VPS13C: variants seen among roughly 807,000 people sequenced by gnomAD.
VPS13C encodes the protein intermembrane lipid transfer protein VPS13C.
In VPS13C, 358 loss-of-function variants were observed where a neutral mutation model predicts 456.8. The observed-to-expected ratio is 0.78, with a 90% CI of 0.72 to 0.86. The LOEUF is 0.86. Among genes scored for constraint, VPS13C ranks in the 40% least tolerant of loss-of-function variants. VPS13C has a pLI of 0.00. For synonymous variants in VPS13C, 1,578 were observed against 1,486.7 expected, an observed-to-expected ratio of 1.06 and a Z score of -1.41; for missense variants, 4,818 against 4,385.4, an observed-to-expected ratio of 1.10 and a Z score of -2.79.
intron 66 of VPS13C, among the ~76,000 whole-genome samples, chr15:61,900,892 G>A (rs1237128908): frequency 2.6e-5 from 4 of 151,388 alleles, no homozygotes; most frequent in Non-Finnish European, 5.9e-5. Flanking sequence ...AAACAGCATG[G>A]TACTGGTACC....
chr15:62,030,974 T>C lies in VPS13C; in HGVS notation c.385+2467A>G, dbSNP rs150322038. Among the ~76,000 whole-genome samples, 159 of 152,222 alleles carry C rather than the reference T, an allele frequency of 1.0e-3. 1 individual carries two copies. In the East Asian group the frequency reaches 0.011, roughly 11 times the overall value. ...AAAATCCAACATCTTAAGTACAGAATCTAGCATTTGCGAATCTTTTGGCCT... is the reference window on the plus strand; with the variant it reads ...AAAATCCAACATCTTAAGTACAGAACCTAGCATTTGCGAATCTTTTGGCCT... On this transcript the variant is annotated intron_variant, in intron 5 of 84. Coordinates refer to ENST00000644861, the MANE Select transcript of VPS13C (RefSeq NM_020821.3).
intron 18 of VPS13C, among the ~76,000 whole-genome samples, chr15:61,986,293 A>T (rs2046051871): frequency 6.6e-6 from 1 of 152,146 alleles, no homozygotes; most frequent in Non-Finnish European, 1.5e-5. Flanking sequence ...TAAAAGATAA[A>T]ACAGAGCATG....
Position 61,929,687 on chromosome 15 carries a change from G to T in VPS13C, c.6100C>A (p.Gln2034Lys). Residue 2034 changes from glutamine (Q) to lysine (K), a missense_variant, in exon 51 of 85, where the codon CAA (glutamine) becomes AAA (lysine). Gln to Lys is a moderately conservative substitution (Grantham distance 53, BLOSUM62 1). Transcript: ENST00000644861. ...NSSMIDISYKQDKNGSQIDAV... is the reference protein window; with the variant it reads ...NSSMIDISYKKDKNGSQIDAV... Reference sequence around the variant, plus strand: ...TCAATTTGACTTCCATTTTTGTCTTGTTTGTAACTTATATCAATCATAGAA... The same window carrying T: ...TCAATTTGACTTCCATTTTTGTCTTTTTTGTAACTTATATCAATCATAGAA... 1 of 1,613,706 alleles carries T rather than the reference G, an allele frequency of 6.2e-7. No homozygotes were observed. The highest frequency in any genetic ancestry group is 8.5e-7 in the Non-Finnish European group (1 of 1,179,868).
intron 45 of VPS13C, 100 bp downstream of exon 45, chr15:61,945,613 TCA>T: frequency 1.1e-6 from 1 of 881,684 alleles, no homozygotes; most frequent in Non-Finnish European, 1.7e-6. Context: ...CAGGTGCTCA[TCA>T]CACAGCCTTA....
At chr15:61,876,904 C>G in intron 75 of VPS13C, 69 bp downstream of exon 75, 3 of 1,187,590 alleles carry the variant, frequency 2.5e-6, no homozygotes, top group Non-Finnish European at 3.6e-6. Flanking sequence ...GCACACTATA[C>G]AGTCACATGC....
chr15:62,007,272 C>CG lies in VPS13C; in HGVS notation c.1290+35_1290+36insC, dbSNP rs2046883791. 2.2e-6 allele frequency: 3 copies of CG among 1,380,112 alleles called. No homozygotes were observed. In the South Asian group the frequency reaches 5.8e-5, roughly 27 times the overall value. The allele number at this position is 1,380,112 out of a possible 1,614,324, so 85.5% of individuals were successfully genotyped here. On this transcript the variant is annotated intron_variant, in intron 15 of 84. Coordinates refer to ENST00000644861, the MANE Select transcript of VPS13C (RefSeq NM_020821.3). ...AGAAGAATATTAAAGGATGATTAGA[C>CG]AAATAATAGCTCTCACTAATATATG... is the stretch of plus-strand genomic sequence containing the variant.
intron 45 of VPS13C, among the ~76,000 whole-genome samples, chr15:61,944,645 G>C (rs998070587): frequency 1.2e-4 from 18 of 152,076 alleles, no homozygotes; most frequent in African/African-American, 4.3e-4. Context: ...AGAGAGGGAG[G>C]AAAGGGGGAA....
At chr15:61,880,492 A>G (rs928285811) in intron 73 of VPS13C, 117 bp downstream of exon 73, 11 of 638,678 alleles carry the variant, frequency 1.7e-5, no homozygotes, top group Non-Finnish European at 2.6e-5. Flanking sequence ...CGATTAATCA[A>G]ACAAAATTCC....
rs1894651667 is a variant in VPS13C at position 61,867,142 on chromosome 15, G to A, written c.10863+1517C>T. On this transcript the variant is annotated intron_variant, in intron 81 of 84. Transcript: ENST00000644861. This position sits in a 1 kb window ranked among gnomAD's most constrained non-coding sequence, Gnocchi z 5.0. ...AAAATAAAGAAATCTATGTATTCAA[G>A]TGCCACACAGCAATTTGCCTAATTA... 2 of 983,000 alleles carry A rather than the reference G, an allele frequency of 2.0e-6. No homozygotes were observed. Among genetic ancestry groups the A allele is most frequent in the South Asian group, 9.4e-5 (2 of 21,248 alleles). 60.9% of individuals were successfully genotyped at this position (983,000 alleles called of 1,614,324 possible). A position where few individuals can be genotyped will look rare whatever the true frequency, so the allele number is the denominator to read the frequency against.
chr15:61,864,581 GA>G, intron 81 of VPS13C: 1 of 968,040 alleles, frequency 1.0e-6, no homozygotes, highest in African/African-American at 1.8e-5. Context: ...CACAAGCAGA[GA>G]AATCACATTT....
chr15:61,931,662 C>T (rs1354590195), intron 49 of VPS13C, among the ~76,000 whole-genome samples: 2 of 151,098 alleles, frequency 1.3e-5, no homozygotes, highest in African/African-American at 4.9e-5. Flanking sequence ...ACTGCATCCT[C>T]CACCTCCTGC....
At chr15:61,927,376 C>CGGA in intron 51 of VPS13C, 56 bp from the exon 52 acceptor site, 1 of 1,369,106 alleles carries the variant, frequency 7.3e-7, no homozygotes, top group Non-Finnish European at 1.0e-6. Flanking sequence ...TTTCATTTGA[C>CGGA]TACATGTTAT....
chr15:61,925,352 G>T, intron 53 of VPS13C, 104 bp downstream of exon 53: 1 of 553,612 alleles, frequency 1.8e-6, no homozygotes, highest in African/African-American at 1.9e-5. Flanking sequence ...CTAGCATAAT[G>T]CTTGAGTTAT....
chr15:61,945,913 T>C (rs745556674), intron 44 of VPS13C, 31 bp from the exon 45 acceptor site: 4 of 1,568,792 alleles, frequency 2.5e-6, no homozygotes, highest in East Asian at 2.2e-5. Context: ...GGTTATTATA[T>C]CAAAAGAGCT....
chr15:61,919,305 A>C lies in VPS13C; in HGVS notation c.7622T>G (p.Leu2541Arg). The C allele has an allele frequency of 6.3e-7, 1 of 1,598,458 alleles. No individual in the cohort carries two copies. The highest frequency in any genetic ancestry group is 8.5e-7 in the Non-Finnish European group (1 of 1,173,510). Residue 2541 changes from leucine (L) to arginine (R), a missense_variant, in exon 58 of 85, where the codon CTT (leucine) becomes CGT (arginine). Around this residue, in one of 3 missense-constraint regions of VPS13C, gnomAD observed 4,552 missense variants for 4,130.6 expected, o/e 1.10. Transcript: ENST00000644861. The stretch of plus-strand genomic sequence containing the variant: ...AAGTATTACCTGTAGAGGAGAGCGA[A>C]GGGTAATTACTTTATTCCCTTCAGT... ...DATEGNKVITLRSPLQIKNHF... is the reference protein window; with the variant it reads ...DATEGNKVITRRSPLQIKNHF...
chr15:62,050,029 A>G (rs577932107), intron 1 of VPS13C, among the ~76,000 whole-genome samples: 1 of 152,324 alleles, frequency 6.6e-6, no homozygotes, highest in South Asian at 2.1e-4. Flanking sequence ...TTCTAGATAT[A>G]CAATCATGTC....
intron 72 of VPS13C, 37 bp downstream of exon 72, chr15:61,880,806 T>C: frequency 5.1e-6 from 8 of 1,564,336 alleles, no homozygotes; most frequent in Non-Finnish European, 6.9e-6. Flanking sequence ...TAAATTTTGT[T>C]AATTTTATAT....
At chr15:62,052,194 T>C (rs970625976) in intron 1 of VPS13C, among the ~76,000 whole-genome samples, 6 of 152,182 alleles carry the variant, frequency 3.9e-5, no homozygotes, top group African/African-American at 1.2e-4. Context: ...AATAGTGAAA[T>C]AAAGAATGCT....
chr15:61,897,835 T>C (rs1461258916), intron 66 of VPS13C, among the ~76,000 whole-genome samples: 1 of 151,962 alleles, frequency 6.6e-6, no homozygotes, highest in Non-Finnish European at 1.5e-5. Flanking sequence ...GGAAAAAATG[T>C]TAAGGGCAGC....
Sources: gnomAD v4.1 joint callset for allele counts (sites outside exome capture counted in the v4.1 genomes callset) on GRCh38, gnomAD v4.1.1 for gene constraint, gnomAD v4.1.1 regional missense constraint, Gnocchi (gnomAD v3.1) non-coding constraint, MANE v1.5 for transcripts, NCBI Gene and HGNC (gene_info 2026-07-23, HGNC 2026-07-21) for gene names.